Variants in THY1 observed in about 807,000 individuals in gnomAD.
The protein encoded by THY1 is Thy-1 cell surface antigen.
A neutral mutation model predicts 14.9 loss-of-function variants in THY1; 10 were observed. The observed-to-expected ratio is 0.67, with a 90% CI of 0.41 to 1.14. THY1 has a LOEUF of 1.14. Ranked by LOEUF, THY1 falls within the 50% of genes most tolerant of loss-of-function variation. THY1 has a pLI of 0.00. For missense variants in THY1, 159 were observed against 202.1 expected, an observed-to-expected ratio of 0.79 and a Z score of 1.29; for synonymous variants, 80 against 90.0, an observed-to-expected ratio of 0.89 and a Z score of 0.63.
At chr11:119,421,506 A>G (rs1409840712) in intron 1 of THY1, 1 of 152,192 alleles carries the variant, frequency 6.6e-6, no homozygotes, top group African/African-American at 2.4e-5. Context: ...AAAATCCCCA[A>G]TGCTCAAAAC....
chr11:119,420,797 G>T, intron 2 of THY1, 72 bp downstream of exon 2: 1 of 1,574,796 alleles, frequency 6.4e-7, no homozygotes, highest in South Asian at 1.1e-5. Context: ...GAGACTGTGA[G>T]GGAGAAGCTG....
rs1861832039 is a variant in THY1 at position 119,418,775 on chromosome 11, G to A, written c.*633C>T. Reference sequence around the variant, plus strand: ...TGGGTCATGCCCCAAGGCCTCTGAGGGACTTCCACAGTGGTAAGGAGGGCT... The same window carrying A: ...TGGGTCATGCCCCAAGGCCTCTGAGAGACTTCCACAGTGGTAAGGAGGGCT... On this transcript the variant is annotated 3_prime_UTR_variant, in exon 4 of 4. Coordinates refer to ENST00000284240, the MANE Select transcript of THY1 (RefSeq NM_006288.5). 1 of 156,398 alleles carries A rather than the reference G, an allele frequency of 6.4e-6. No individual in the cohort carries two copies. The highest frequency in any genetic ancestry group is 1.4e-5 in the Non-Finnish European group (1 of 70,758). 9.7% of individuals were successfully genotyped at this position (156,398 alleles called of 1,614,324 possible).
rs1431699851 is a variant in THY1 at position 119,419,015 on chromosome 11, T to C, written c.*393A>G. 1 of 326,884 alleles carries C rather than the reference T, an allele frequency of 3.1e-6. No individual in the cohort carries two copies. The highest frequency in any genetic ancestry group is 6.0e-6 in the Non-Finnish European group (1 of 166,606). 20.2% of individuals were successfully genotyped at this position (326,884 alleles called of 1,614,324 possible). A position where few individuals can be genotyped will look rare whatever the true frequency, so the allele number is the denominator to read the frequency against. On this transcript the variant is annotated 3_prime_UTR_variant, in exon 4 of 4. Coordinates refer to ENST00000284240, the MANE Select transcript of THY1 (RefSeq NM_006288.5). ...CTCATCCAAGTCTCTCCCAGGTTTC[T>C]GGTCCCGATGGGCAAGGATGACCCC...
At chr11:119,419,601 G>T in intron 3 of THY1, 81 bp from the exon 4 acceptor site, 2 of 1,132,024 alleles carry the variant, frequency 1.8e-6, no homozygotes, top group South Asian at 1.3e-5. Flanking sequence ...CCAAAGCAAG[G>T]GTGTACTCCC....
chr11:119,420,927 G>A lies in THY1; in HGVS notation c.-22C>T, dbSNP rs1186783484. On this transcript the variant is annotated splice_region_variant and 5_prime_UTR_variant, in exon 2 of 4. Transcript: ENST00000284240. ...TCATGGTTCTGGGATCTCAGTCCTG[G>A]ATCTGGGGTGGGAACAGGATGGGAA... 6.2e-6 allele frequency: 10 copies of A among 1,614,130 alleles called. No homozygotes were observed. The highest frequency in any genetic ancestry group is 8.5e-6 in the Non-Finnish European group (10 of 1,180,006).
rs536378210 is a variant in THY1 at position 119,422,736 on chromosome 11, C to T, written c.-25+377G>A. ...CCTCTAGCTCGCCATCCTCCATCCT[C>T]TCCCCGCAGTTTCATCCGTCCTCCT... On this transcript the variant is annotated intron_variant, in intron 1 of 3. Transcript: ENST00000284240. This position sits in a 1 kb window ranked among gnomAD's most constrained non-coding sequence, Gnocchi z 7.0. Among the ~76,000 whole-genome samples the T allele has an allele frequency of 1.3e-5, 2 of 152,298 alleles. No homozygotes were observed. The highest frequency in any genetic ancestry group is 4.8e-5 in the African/African-American group (2 of 41,564).
intron 1 of THY1, chr11:119,421,928 G>C (rs1361108099): frequency 6.6e-6 from 1 of 152,282 alleles, no homozygotes; most frequent in East Asian, 1.9e-4. Flanking sequence ...TGGATAGGCT[G>C]TCTGCCTGGT....
intron 3 of THY1, 125 bp from the exon 4 acceptor site, chr11:119,419,645 G>C (rs1861856933): frequency 1.4e-6 from 1 of 732,466 alleles, no homozygotes; most frequent in Non-Finnish European, 2.4e-6. Flanking sequence ...TCTTAGCTGG[G>C]ACCAGGAACA....
In THY1 at chr11:119,415,524, C is replaced by G. The variant is rs972952141; in HGVS notation, c.*3884G>C. The stretch of plus-strand genomic sequence containing the variant: ...CTTTATTGCAAACTTGACAGGTGGC[C>G]TCCACCTGGCCACGCCACTGCCAGG... On this transcript the variant is annotated 3_prime_UTR_variant, in exon 4 of 4. Transcript: ENST00000284240. Among the ~76,000 whole-genome samples the G allele has an allele frequency of 6.6e-6, 1 of 152,210 alleles. No homozygotes were observed. Among genetic ancestry groups the G allele is most frequent in the Admixed American group, 6.5e-5 (1 of 15,284 alleles).
chr11:119,419,225 G>T lies in THY1; in HGVS notation c.*183C>A, dbSNP rs747455761. On this transcript the variant is annotated 3_prime_UTR_variant, in exon 4 of 4. Transcript: ENST00000284240. Reference sequence around the variant, plus strand: ...AGACAGCCAGAGGTGTGCGGAGAGGGTGAGGTGGCCGCGTGGACGTGGGTA... The same window carrying T: ...AGACAGCCAGAGGTGTGCGGAGAGGTTGAGGTGGCCGCGTGGACGTGGGTA... 4.0e-5 allele frequency: 27 copies of T among 677,566 alleles called. No homozygotes were observed. The highest frequency in any genetic ancestry group is 6.4e-5 in the Non-Finnish European group (23 of 362,182). The allele number at this position is 677,566 out of a possible 1,614,324, so 42.0% of individuals were successfully genotyped here.
chr11:119,420,961 G>A, intron 1 of THY1, 32 bp from the exon 2 acceptor site: 1 of 1,610,980 alleles, frequency 6.2e-7, no homozygotes, highest in Non-Finnish European at 8.5e-7. Flanking sequence ...AATCAGCCAA[G>A]CTGTGCCACA....
At chr11:119,421,438 T>C (rs1861897566) in intron 1 of THY1, among the ~76,000 whole-genome samples, 1 of 152,206 alleles carries the variant, frequency 6.6e-6, no homozygotes, top group Non-Finnish European at 1.5e-5. Flanking sequence ...AAAGTAAAAC[T>C]CTGTATCTGT....
Position 119,420,043 on chromosome 11 carries a change from T to C in THY1, c.373+8A>G, listed in dbSNP as rs750154187. ...AGCTCACTTGACCTTGTTAGGGGCT[T>C]GTCTCACCTCTGAGCACTGTGACGT... On this transcript the variant is annotated splice_region_variant and intron_variant, in intron 3 of 3. Coordinates refer to ENST00000284240, the MANE Select transcript of THY1 (RefSeq NM_006288.5). 5.6e-6 allele frequency: 9 copies of C among 1,606,236 alleles called. No homozygotes were observed. In the Admixed American group the frequency reaches 1.3e-4, roughly 24 times the overall value.
chr11:119,419,244 G>T lies in THY1; in HGVS notation c.*164C>A. The T allele has an allele frequency of 2.8e-6, 2 of 709,330 alleles. No homozygotes were observed. Among genetic ancestry groups the T allele is most frequent in the South Asian group, 3.0e-5 (2 of 65,866 alleles). 43.9% of individuals were successfully genotyped at this position (709,330 alleles called of 1,614,324 possible). On this transcript the variant is annotated 3_prime_UTR_variant, in exon 4 of 4. Transcript: ENST00000284240. ...GAGAGGGTGAGGTGGCCGCGTGGACGTGGGTAGATAATCGCATGCAGCACT... is the reference window on the plus strand; with the variant it reads ...GAGAGGGTGAGGTGGCCGCGTGGACTTGGGTAGATAATCGCATGCAGCACT...
Position 119,419,186 on chromosome 11 carries a change from C to A in THY1, c.*222G>T. On this transcript the variant is annotated 3_prime_UTR_variant, in exon 4 of 4. Coordinates refer to ENST00000284240, the MANE Select transcript of THY1 (RefSeq NM_006288.5). ...AAACCAGACAGAAGCAGCTCTGGAA[C>A]AAAAAGTACAAAAAGACAGCCAGAG... 1 of 562,852 alleles carries A rather than the reference C, an allele frequency of 1.8e-6. No individual in the cohort carries two copies. The highest frequency in any genetic ancestry group is 3.3e-6 in the Non-Finnish European group (1 of 299,396). 34.9% of individuals were successfully genotyped at this position (562,852 alleles called of 1,614,324 possible).
At chr11:119,420,436 G>T (rs1173338913) in intron 2 of THY1, 50 bp from the exon 3 acceptor site, 1 of 1,509,044 alleles carries the variant, frequency 6.6e-7, no homozygotes, top group Admixed American at 1.9e-5. Flanking sequence ...CGGCACAGGG[G>T]CCTCCCACCC....
chr11:119,416,526 G>T lies in THY1; in HGVS notation c.*2882C>A, dbSNP rs1238342011. ...GTCTCACTCTATCTCCCAGGCTGGA[G>T]TGCAGTGGTGCAATCTTGGCTCACT... On this transcript the variant is annotated 3_prime_UTR_variant, in exon 4 of 4. Coordinates refer to ENST00000284240, the MANE Select transcript of THY1 (RefSeq NM_006288.5). Among the ~76,000 whole-genome samples the T allele has an allele frequency of 6.6e-6, 1 of 152,162 alleles. No individual in the cohort carries two copies. Among genetic ancestry groups the T allele is most frequent in the Non-Finnish European group, 1.5e-5 (1 of 68,010 alleles).
chr11:119,420,973 T>A, intron 1 of THY1, 44 bp from the exon 2 acceptor site: 1 of 1,602,074 alleles, frequency 6.2e-7, no homozygotes, highest in East Asian at 2.2e-5. Context: ...TGTGCCACAC[T>A]TACCACCAGG....
chr11:119,420,695 A>C, intron 2 of THY1, 174 bp downstream of exon 2: 1 of 861,104 alleles, frequency 1.2e-6, no homozygotes. Context: ...CTGTGTTTTC[A>C]AAAACCACCT....
Sources: allele counts gnomAD v4.1 joint callset (sites outside exome capture counted in the v4.1 genomes callset), GRCh38; gene constraint gnomAD v4.1.1; non-coding constraint Gnocchi (gnomAD v3.1); transcripts MANE v1.5; gene names NCBI Gene and HGNC (gene_info 2026-07-23, HGNC 2026-07-21).